The following GRID2 variants were observed in gnomAD, a reference collection of about 807,000 sequenced individuals.
GRID2 encodes the protein glutamate receptor ionotropic, delta-2.
In GRID2, 33 loss-of-function variants were observed where a neutral mutation model predicts 114.8. The observed-to-expected ratio is 0.29, with a 90% CI of 0.22 to 0.38. The LOEUF (loss-of-function observed/expected upper bound fraction) is 0.38, where lower values mean the gene tolerates loss of function less well. Ranked by LOEUF, GRID2 falls within the 10% of genes least tolerant of loss-of-function variation. GRID2 has a pLI of 1.00. For missense variants in GRID2, 1,184 were observed against 1,257.7 expected (o/e 0.94, Z 0.89); for synonymous variants, 505 against 449.9 (o/e 1.12, Z -1.55).
chr4:93,534,756 T>A (rs1326432757), intron 13 of GRID2, among the ~76,000 whole-genome samples: 4 of 152,050 alleles, frequency 2.6e-5, no homozygotes, highest in African/African-American at 9.7e-5. Context: ...AATTCTTAAG[T>A]TTTAGAGTTT....
chr4:92,611,683 T>G (rs1283787080), intron 2 of GRID2, among the ~76,000 whole-genome samples: 1 of 151,602 alleles, frequency 6.6e-6, no homozygotes, highest in African/African-American at 2.4e-5. Context: ...TTTCTTCACA[T>G]TTTTGCCACT....
At chr4:93,520,306 G>A (rs2149497305) in intron 13 of GRID2, among the ~76,000 whole-genome samples, 2 of 152,076 alleles carry the variant, frequency 1.3e-5, no homozygotes, top group Non-Finnish European at 2.9e-5. Flanking sequence ...GCATAAATGT[G>A]TGCTCTAAAG....
At chr4:93,357,902 G>A (rs552289485) in intron 8 of GRID2, among the ~76,000 whole-genome samples, 1 of 151,668 alleles carries the variant, frequency 6.6e-6, no homozygotes, top group African/African-American at 2.4e-5. Context: ...CTATTTTGAT[G>A]CAAATCATAT....
chr4:93,666,460 G>A (rs1723956417), intron 14 of GRID2, among the ~76,000 whole-genome samples: 1 of 151,996 alleles, frequency 6.6e-6, no homozygotes, highest in Admixed American at 6.6e-5. Flanking sequence ...ATGGGGTTTG[G>A]CATGTCATTA....
chr4:93,024,684 T>G (rs1440570603), intron 2 of GRID2, among the ~76,000 whole-genome samples: 1 of 151,824 alleles, frequency 6.6e-6, no homozygotes, highest in Non-Finnish European at 1.5e-5. Context: ...GACTGAATAC[T>G]TAAGATTTTC....
chr4:92,822,175 T>C (rs1315894217), intron 2 of GRID2: 1 of 410,302 alleles, frequency 2.4e-6, no homozygotes, highest in Non-Finnish European at 4.8e-6. Flanking sequence ...AGGCCTGTGG[T>C]AGCGCAGAAC....
At chr4:93,361,823 GT>G (rs1333575600) in intron 8 of GRID2, among the ~76,000 whole-genome samples, 5 of 151,330 alleles carry the variant, frequency 3.3e-5, no homozygotes, top group Admixed American at 6.6e-5. Flanking sequence ...CCTGCTGCTA[GT>G]TTTTTTTTAG....
At chr4:93,101,126 T>G (rs72887624) in intron 3 of GRID2, among the ~76,000 whole-genome samples, 8,067 of 152,130 alleles carry the variant, frequency 0.053, 323 homozygotes, top group East Asian at 0.15. Context: ...TTTATTTGTT[T>G]ATGTTTCTTA....
chr4:93,013,076 A>C (rs1038454838), intron 2 of GRID2, among the ~76,000 whole-genome samples: 1 of 152,066 alleles, frequency 6.6e-6, no homozygotes, highest in African/African-American at 2.4e-5. Context: ...TTTATGTGAC[A>C]GAAACATTTG....
At chr4:92,989,883 A>G (rs72617703) in intron 2 of GRID2, among the ~76,000 whole-genome samples, 1 of 152,184 alleles carries the variant, frequency 6.6e-6, no homozygotes, top group African/African-American at 2.4e-5. Flanking sequence ...AAGAAAAAAC[A>G]TACAGAAATA....
At chr4:92,629,772 T>G (rs1353760466) in intron 2 of GRID2, among the ~76,000 whole-genome samples, 2 of 147,724 alleles carry the variant, frequency 1.4e-5, no homozygotes, top group Non-Finnish European at 3.0e-5. Context: ...TTAAAATATG[T>G]TTTTTCTTTT....
chr4:93,271,147 G>A (rs72872777), intron 8 of GRID2, among the ~76,000 whole-genome samples: 1 of 152,158 alleles, frequency 6.6e-6, no homozygotes, highest in Non-Finnish European at 1.5e-5. Flanking sequence ...AATATCTCTT[G>A]TCTGGGTCAA....
intron 14 of GRID2, among the ~76,000 whole-genome samples, chr4:93,737,697 C>T (rs1030195987): frequency 1.3e-5 from 2 of 152,078 alleles, no homozygotes; most frequent in African/African-American, 4.8e-5. Context: ...ACCCTCATAT[C>T]GAAAGATTCC....
At chr4:92,381,978 T>C (rs1729640675) in intron 1 of GRID2, among the ~76,000 whole-genome samples, 1 of 151,982 alleles carries the variant, frequency 6.6e-6, no homozygotes, top group African/African-American at 2.4e-5. Flanking sequence ...TCATGATTTT[T>C]CCCCCTAAGT....
At chr4:92,791,803 C>A (rs1418828816) in intron 2 of GRID2, among the ~76,000 whole-genome samples, 2 of 151,674 alleles carry the variant, frequency 1.3e-5, no homozygotes, top group African/African-American at 4.8e-5. Context: ...AGTGTTAGTT[C>A]CATGATTTTA....
At chr4:92,786,952 C>T (rs1739351386) in intron 2 of GRID2, among the ~76,000 whole-genome samples, 1 of 151,858 alleles carries the variant, frequency 6.6e-6, no homozygotes, top group Non-Finnish European at 1.5e-5. Context: ...AAATGAATAG[C>T]AACATGTGAC....
chr4:93,422,584 A>C (rs1231745043), intron 9 of GRID2, among the ~76,000 whole-genome samples, 187 bp from the exon 10 acceptor site: 1 of 152,218 alleles, frequency 6.6e-6, no homozygotes, highest in African/African-American at 2.4e-5. Context: ...GGAGATGATA[A>C]GAAATTGAAT....
chr4:93,103,879 A>T (rs1315385423), intron 3 of GRID2, among the ~76,000 whole-genome samples: 1 of 147,542 alleles, frequency 6.8e-6, no homozygotes, highest in Non-Finnish European at 1.5e-5. Flanking sequence ...AGCGTTTCTG[A>T]TCCCATAGAA....
In GRID2 at chr4:93,316,315, AGAAAGAAAGAAAGAAAGAAAGAAAGAAG is replaced by A. The variant is rs1469577502; in HGVS notation, c.1245+77829_1245+77856del. On this transcript the variant is annotated intron_variant, in intron 8 of 15. Transcript: ENST00000282020. Reference sequence around the variant, plus strand: ...ACGAAAGAAAGAAAGAAAGAAAGAAAGAAAGAAAGAAAGAAAGAAAGAAAGAAGGAAGGAAGGAAGGAAGGAAAAGAAA... The same window carrying A: ...ACGAAAGAAAGAAAGAAAGAAAGAAAGAAGGAAGGAAGGAAGGAAAAGAAA... 1.6e-4 allele frequency among the ~76,000 whole-genome samples: 13 copies of A among 80,388 alleles called. 1 individual carries two copies. Among genetic ancestry groups the A allele is most frequent in the African/African-American group, 3.9e-4 (10 of 25,680 alleles). The allele number at this position is 80,388 out of a possible 152,430, so 52.7% of individuals were successfully genotyped here.
Sources: gnomAD v4.1 joint callset for allele counts (sites outside exome capture counted in the v4.1 genomes callset) on GRCh38, gnomAD v4.1.1 for gene constraint, MANE v1.5 for transcripts, NCBI Gene and HGNC (gene_info 2026-07-23, HGNC 2026-07-21) for gene names.